DNAH12: variants seen among roughly 807,000 people sequenced by gnomAD.
The protein encoded by DNAH12 is dynein axonemal heavy chain 12, also known as axonemal beta dynein heavy chain 12.
Under a neutral mutation model 371.5 loss-of-function variants are expected in DNAH12, and 285 were observed. That is an observed-to-expected ratio of 0.77 (90% CI 0.70 to 0.85). The LOEUF is 0.85. Among genes scored for constraint, DNAH12 ranks in the 40% least tolerant of loss-of-function variants. DNAH12 has a pLI of 0.00. For missense variants in DNAH12, 3,611 were observed against 3,689.4 expected (o/e 0.98, Z 0.55); for synonymous variants, 1,200 against 1,213.0 (o/e 0.99, Z 0.22).
chr3:57,469,867 C>G (rs1157798364), intron 16 of DNAH12, among the ~76,000 whole-genome samples: 1 of 152,132 alleles, frequency 6.6e-6, no homozygotes, highest in Non-Finnish European at 1.5e-5. Flanking sequence ...GGCTGAGAAA[C>G]TACCTATTAG....
chr3:57,481,947 A>G (rs1271187893), intron 13 of DNAH12, among the ~76,000 whole-genome samples: 1 of 152,250 alleles, frequency 6.6e-6, no homozygotes, highest in Non-Finnish European at 1.5e-5. Context: ...CTTAAATGTT[A>G]GACCTAAAAC....
chr3:57,513,750 A>G (rs1249599617), intron 4 of DNAH12, among the ~76,000 whole-genome samples: 1 of 152,202 alleles, frequency 6.6e-6, no homozygotes, highest in Non-Finnish European at 1.5e-5. Context: ...CTACCCTGAG[A>G]TACCATCTGT....
At chr3:57,306,167 G>A (rs181659943) in intron 69 of DNAH12, among the ~76,000 whole-genome samples, 3 of 152,188 alleles carry the variant, frequency 2.0e-5, no homozygotes, top group East Asian at 1.9e-4. Context: ...GACACTGCCC[G>A]ATCGCCTCAG....
chr3:57,450,075 C>T (rs1235227873), intron 25 of DNAH12, among the ~76,000 whole-genome samples: 2 of 152,158 alleles, frequency 1.3e-5, no homozygotes, highest in Non-Finnish European at 2.9e-5. Flanking sequence ...TGGTGAAACC[C>T]TGTCTCTACG....
At chr3:57,480,168 C>T (rs919049332) in intron 13 of DNAH12, among the ~76,000 whole-genome samples, 53 of 143,322 alleles carry the variant, frequency 3.7e-4, no homozygotes, top group African/African-American at 1.2e-3. Context: ...ATTGATAGAC[C>T]GCTAGCAAGA....
intron 28 of DNAH12, among the ~76,000 whole-genome samples, 177 bp downstream of exon 28, chr3:57,444,997 A>T (rs1234875337): frequency 6.6e-6 from 1 of 151,974 alleles, no homozygotes; most frequent in African/African-American, 2.4e-5. Flanking sequence ...ATCAAACTAA[A>T]AAGTCTTTGT....
intron 52 of DNAH12, among the ~76,000 whole-genome samples, chr3:57,378,306 G>A (rs1030398114): frequency 1.3e-5 from 2 of 151,962 alleles, no homozygotes; most frequent in African/African-American, 2.4e-5. Flanking sequence ...AATTAGCTGA[G>A]CTACCATGAG....
intron 4 of DNAH12, among the ~76,000 whole-genome samples, chr3:57,522,534 G>A (rs1239813107): frequency 6.6e-6 from 1 of 152,164 alleles, no homozygotes; most frequent in East Asian, 1.9e-4. Context: ...CGGGTGGCCA[G>A]GTAAGGAGGA....
At chr3:57,355,455 C>A (rs1412094644) in intron 59 of DNAH12, among the ~76,000 whole-genome samples, 1 of 152,016 alleles carries the variant, frequency 6.6e-6, no homozygotes, top group Non-Finnish European at 1.5e-5. Context: ...GGAAAACTAA[C>A]CCAAGTAAGT....
chr3:57,314,704 T>A, intron 65 of DNAH12, 73 bp from the exon 66 acceptor site: 1 of 1,420,004 alleles, frequency 7.0e-7, no homozygotes, highest in Non-Finnish European at 9.3e-7. Flanking sequence ...GAGGAATAGA[T>A]AAATGATCTT....
chr3:57,542,161 G>T (rs922592185), intron 2 of DNAH12, among the ~76,000 whole-genome samples: 2 of 130,120 alleles, frequency 1.5e-5, no homozygotes, highest in South Asian at 2.5e-4. Context: ...AAACTGGGGG[G>T]GGGGGGGGCG....
At chr3:57,459,269 C>T (rs1305999538) in intron 20 of DNAH12, among the ~76,000 whole-genome samples, 1 of 152,098 alleles carries the variant, frequency 6.6e-6, no homozygotes. Context: ...TGTTCTCACT[C>T]TCTCCTCTCT....
Position 57,405,839 on chromosome 3 carries a change from G to A in DNAH12, c.6390C>T (p.Asp2130=), listed in dbSNP as rs1352956944. 1.5e-5 allele frequency: 23 copies of A among 1,551,522 alleles called. No homozygotes were observed. The highest frequency in any genetic ancestry group is 3.3e-4 in the Middle Eastern group (2 of 6,014). Reference sequence around the variant, plus strand: ...TCATAGTGTGTTTGTTCGCCACGGCGTCTCTTTCAATGAGTAAACAGCCCC... The same window carrying A: ...TCATAGTGTGTTTGTTCGCCACGGCATCTCTTTCAATGAGTAAACAGCCCC... ...VIRGCLLIER[D]AVANKHTMIR... The change falls in exon 41 of 74, where the codon GAC becomes GAT. Residue 2130 remains aspartate, a synonymous_variant. Coordinates refer to ENST00000495027, the MANE Select transcript of DNAH12 (RefSeq NM_001366028.2).
In DNAH12 at chr3:57,413,752, C is replaced by A. The variant is rs1553683732; in HGVS notation, c.6014G>T (p.Gly2005Val). 6.5e-7 allele frequency: 1 copy of A among 1,550,152 alleles called. No individual in the cohort carries two copies. The highest frequency in any genetic ancestry group is 8.7e-7 in the Non-Finnish European group (1 of 1,146,478). The change falls in exon 39 of 74, where the codon GGA becomes GTA. Residue 2005 changes from glycine to valine, a missense_variant. Physicochemically the swap from Gly to Val is moderately radical, Grantham distance 109 (BLOSUM62 -3). Transcript: ENST00000495027. ...TATCGAATTAAATAGTTACCAATGT[C>A]CACAGTCAAAAAACTGTCGTAATAA... ...IELLRQFFDC[G>V]HWYDLKDTSK...
At chr3:57,320,031 G>T (rs1020471794) in intron 65 of DNAH12, among the ~76,000 whole-genome samples, 1 of 152,008 alleles carries the variant, frequency 6.6e-6, no homozygotes, top group African/African-American at 2.4e-5. Context: ...GCATCCCAGG[G>T]GATAAATCCC....
Position 57,470,224 on chromosome 3 carries a change from C to T in DNAH12, c.2105+219G>A, listed in dbSNP as rs72869851. ...TCACACATGAGCATGAAAATCCAAT[C>T]ATTATGCTCATAAACCAGAAAAGGA... is the stretch of plus-strand genomic sequence containing the variant. On this transcript the variant is annotated intron_variant, in intron 16 of 73. Coordinates refer to ENST00000495027, the MANE Select transcript of DNAH12 (RefSeq NM_001366028.2). Among the ~76,000 whole-genome samples the T allele has an allele frequency of 8.0e-3, 1,215 of 152,144 alleles. 13 individuals carry two copies. The highest frequency in any genetic ancestry group is 0.027 in the African/African-American group (1,126 of 41,500).
intron 2 of DNAH12, among the ~76,000 whole-genome samples, chr3:57,526,984 A>T (rs993834636): frequency 9.9e-5 from 15 of 151,790 alleles, no homozygotes; most frequent in Admixed American, 7.9e-4. Flanking sequence ...ACAGGCACCC[A>T]CCGCCACACC....
Position 57,323,086 on chromosome 3 carries a change from T to C in DNAH12, c.10304A>G (p.Glu3435Gly). The C allele has an allele frequency of 6.4e-7, 1 of 1,552,430 alleles. No individual in the cohort carries two copies. The highest frequency in any genetic ancestry group is 8.7e-7 in the Non-Finnish European group (1 of 1,147,148). ...HLAVSWMPML[E>G]KICEDFTSET... is the part of the protein sequence containing the mutation. ...AGAGGTAAAATCTTCACATATTTTTTCCAACATGGGCATCCAGGACACTGC... is the reference window on the plus strand; with the variant it reads ...AGAGGTAAAATCTTCACATATTTTTCCCAACATGGGCATCCAGGACACTGC... The change falls in exon 64 of 74, where the codon GAA becomes GGA. Residue 3435 changes from glutamate to glycine, a missense_variant. Physicochemically the swap from Glu to Gly is moderately conservative, Grantham distance 98. This residue lies in a region of DNAH12 where 2,266 missense variants were observed against 2,236.9 expected (regional missense o/e 1.01). Transcript: ENST00000495027.
At chr3:57,318,527 T>C (rs948890215) in intron 65 of DNAH12, among the ~76,000 whole-genome samples, 1 of 152,018 alleles carries the variant, frequency 6.6e-6, no homozygotes, top group African/African-American at 2.4e-5. Flanking sequence ...ATGTCTGACT[T>C]TATACTAGTA....
Sources: gnomAD v4.1 joint callset for allele counts (sites outside exome capture counted in the v4.1 genomes callset) on GRCh38, gnomAD v4.1.1 for gene constraint, gnomAD v4.1.1 regional missense constraint, MANE v1.5 for transcripts, NCBI Gene and HGNC (gene_info 2026-07-23, HGNC 2026-07-21) for gene names.